Variants in TDRD5 observed in about 807,000 individuals in gnomAD.
The protein encoded by TDRD5 is tudor domain containing 5.
Under a neutral mutation model 120.6 loss-of-function variants are expected in TDRD5, and 41 were observed. The observed-to-expected ratio is 0.34, with a 90% confidence interval of 0.26 to 0.44. The LOEUF (loss-of-function observed/expected upper bound fraction) is 0.44, where lower values mean the gene tolerates loss of function less well. TDRD5 is among the 20% of genes least tolerant of loss of function. The pLI is 1.00. For synonymous variants in TDRD5, 430 were observed against 433.7 expected (o/e 0.99, Z 0.11); for missense variants, 1,006 against 1,221.2 (o/e 0.82, Z 2.63).
rs557396306 is a variant in TDRD5 at position 179,683,025 on chromosome 1, C to CTT, written c.2861-7670_2861-7669insTT. On this transcript the variant is annotated intron_variant, in intron 17 of 17. Transcript: ENST00000444136. ...AGCAGATCCTCAGTTTCTTCTCTCT[C>CTT]TCTCTCTGCAGCTGCCTCCTCTCTG... 4.6e-5 allele frequency among the ~76,000 whole-genome samples: 7 copies of CTT among 152,078 alleles called. No individual in the cohort carries two copies. The South Asian group carries it at 1.5e-3, about 32-fold the overall frequency.
Position 179,595,745 on chromosome 1 carries a change from T to C in TDRD5, c.758T>C (p.Met253Thr), listed in dbSNP as rs766968110. 2 of 1,613,788 alleles carry C rather than the reference T, an allele frequency of 1.2e-6. No homozygotes were observed. Among genetic ancestry groups the C allele is most frequent in the African/African-American group, 1.3e-5 (1 of 74,906 alleles). Reference sequence around the variant, plus strand: ...AACATGGAACCACCGAAGCAAATAATGAGCATGGAAAAGACTTCCAAGTTA... The same window carrying C: ...AACATGGAACCACCGAAGCAAATAACGAGCATGGAAAAGACTTCCAAGTTA... The part of the protein sequence containing the change: ...TSNMEPPKQI[M>T]SMEKTSKLNV... Residue 253 changes from methionine to threonine, a missense_variant, in exon 4 of 18, where the codon ATG becomes ACG. This residue lies in a region of TDRD5 where 445 missense variants were observed against 515.5 expected (regional missense o/e 0.86). Coordinates refer to ENST00000444136, the MANE Select transcript of TDRD5 (RefSeq NM_001199085.3).
intron 6 of TDRD5, among the ~76,000 whole-genome samples, chr1:179,627,072 A>G (rs1449295963): frequency 6.6e-6 from 1 of 152,188 alleles, no homozygotes; most frequent in Non-Finnish European, 1.5e-5. Context: ...ATTATTAGAC[A>G]TTTTCACAGC....
Sources: allele counts gnomAD v4.1 joint callset (sites outside exome capture counted in the v4.1 genomes callset), GRCh38; gene constraint gnomAD v4.1.1; regional missense constraint gnomAD v4.1.1; transcripts MANE v1.5; gene names NCBI Gene and HGNC (gene_info 2026-07-23, HGNC 2026-07-21).